The following ASGR1 variants were observed in gnomAD, a reference collection of about 807,000 sequenced individuals.
ASGR1 encodes asialoglycoprotein receptor 1.
ASGR1 carries 35 observed loss-of-function variants against 33.1 expected under a neutral mutation model. That is an observed-to-expected ratio of 1.06 (90% CI 0.81 to 1.40). ASGR1 has a LOEUF of 1.40. Ranked by LOEUF, ASGR1 falls within the 40% of genes most tolerant of loss-of-function variation. The pLI, the probability that ASGR1 is intolerant of heterozygous loss-of-function variation, is 0.00. For synonymous variants in ASGR1, 142 were observed against 152.5 expected (o/e 0.93, Z 0.51); for missense variants, 396 against 373.7 (o/e 1.06, Z -0.49).
intron 2 of ASGR1, 51 bp downstream of exon 2, chr17:7,178,443 G>T: frequency 6.4e-7 from 1 of 1,566,742 alleles, no homozygotes; most frequent in South Asian, 1.1e-5. Context: ...GCTGGGGGGT[G>T]GAGAACCGCC....
At chr17:7,179,006 G>A (rs2069248027) in intron 1 of ASGR1, 184 bp downstream of exon 1, 1 of 154,780 alleles carries the variant, frequency 6.5e-6, no homozygotes, top group Non-Finnish European at 1.4e-5. Flanking sequence ...CAACGTGCTG[G>A]GATTACAGGC....
At position 7,175,066 on chromosome 17, in the gene ASGR1, AAC is replaced by A. The variant is rs563211846; in HGVS notation, c.356-608_356-607del. On this transcript the variant is annotated intron_variant, in intron 5 of 8. Transcript: ENST00000269299. ...ATACACAACACACCCTCACACGCAC[AAC>A]ACACCGTAACCCACATACACAGACA... is the stretch of plus-strand genomic sequence containing the variant. Among the ~76,000 whole-genome samples, 600 of 147,070 alleles carry A rather than the reference AAC, an allele frequency of 4.1e-3. 2 individuals are homozygous for A. The highest frequency in any genetic ancestry group is 0.011 in the Middle Eastern group (3 of 270).
rs764780656 is a variant in ASGR1, at chr17:7,173,868, C to T, written c.702-35G>A. The T allele has an allele frequency of 1.2e-6, 2 of 1,606,934 alleles. No homozygotes were observed. Among genetic ancestry groups the T allele is most frequent in the Non-Finnish European group, 8.5e-7 (1 of 1,177,008 alleles). On this transcript the variant is annotated intron_variant, in intron 8 of 8. Transcript: ENST00000269299. The surrounding 1 kb of genome is among the most constrained non-coding windows in gnomAD (Gnocchi z 4.7). ...GAGCCAGCTGTGGGCCCCAGGAGGT[C>T]GGATCCGCAGGCGGGTCGCTCCAGA...
intron 5 of ASGR1, among the ~76,000 whole-genome samples, chr17:7,175,270 C>T (rs1046147183): frequency 7.4e-5 from 11 of 148,572 alleles, no homozygotes; most frequent in African/African-American, 2.0e-4. Context: ...CACACACACA[C>T]GGAACACACC....
chr17:7,175,367 TCACC>T (rs962050550), intron 5 of ASGR1, among the ~76,000 whole-genome samples: 9 of 120,578 alleles, frequency 7.5e-5, no homozygotes, highest in Admixed American at 2.5e-4. Context: ...CAACACACCC[TCACC>T]CAAACACACA....
intron 5 of ASGR1, among the ~76,000 whole-genome samples, chr17:7,175,813 ACAGACACACACT>A (rs763722356): frequency 3.2e-4 from 47 of 148,922 alleles, no homozygotes; most frequent in Non-Finnish European, 2.1e-4. Context: ...TCTCATTCTC[ACAGACACACACT>A]CAGACACACA....
At chr17:7,174,505 A>G (rs2069171682) in intron 5 of ASGR1, 45 bp from the exon 6 acceptor site, 1 of 1,579,670 alleles carries the variant, frequency 6.3e-7, no homozygotes, top group Non-Finnish European at 8.6e-7. Flanking sequence ...TGCGGAAACC[A>G]CGGGGAGGGA....
At chr17:7,175,238 ACACC>A (rs751260940) in intron 5 of ASGR1, among the ~76,000 whole-genome samples, 1 of 148,952 alleles carries the variant, frequency 6.7e-6, no homozygotes, top group Non-Finnish European at 1.5e-5. Flanking sequence ...CACACACAAA[ACACC>A]CACAACATAC....
intron 5 of ASGR1, among the ~76,000 whole-genome samples, chr17:7,174,970 C>T (rs1242483147): frequency 1.4e-5 from 2 of 148,140 alleles, no homozygotes; most frequent in African/African-American, 5.0e-5. Context: ...ACAACACACC[C>T]TTACACACAC....
Position 7,176,050 on chromosome 17 carries a change from ACAGACT to A in ASGR1, c.355+774_355+779del, listed in dbSNP as rs1262482686. On this transcript the variant is annotated intron_variant, in intron 5 of 8. Transcript: ENST00000269299. ...TACACACACCCACTCCCTCATTCAC[ACAGACT>A]CACACACCCATCCACTCCTTCTCAT... 6.8e-3 allele frequency among the ~76,000 whole-genome samples: 991 copies of A among 144,676 alleles called. 9 individuals are homozygous for A. The highest frequency in any genetic ancestry group is 0.024 in the African/African-American group (940 of 38,728). 94.9% of individuals were successfully genotyped at this position (144,676 alleles called of 152,430 possible). A position where few individuals can be genotyped will look rare whatever the true frequency, so the allele number is the denominator to read the frequency against.
intron 2 of ASGR1, chr17:7,178,112 T>C (rs2069238031): frequency 3.6e-6 from 1 of 280,248 alleles, no homozygotes; most frequent in South Asian, 5.3e-5. Context: ...AACTGATCAC[T>C]GACACACACA....
rs779694146 is a variant in ASGR1, at chr17:7,177,315, G to A, written c.82C>T (p.Pro28Ser). The change falls in exon 3 of 9, where the codon CCC becomes TCC. Residue 28 changes from proline (P) to serine (S), a missense_variant. By Grantham distance (74) the Pro-to-Ser change is moderately conservative. Coordinates refer to ENST00000269299, the MANE Select transcript of ASGR1 (RefSeq NM_001671.5). Reference sequence around the variant, plus strand: ...CAGAGACGCTGCAGGAGGGGCTGGGGAGGAGGTGGCCCTGCAAGAGGAGGG... The same window carrying A: ...CAGAGACGCTGCAGGAGGGGCTGGGAAGGAGGTGGCCCTGCAAGAGGAGGG... ...HHQLRKGPPP[P>S]QPLLQRLCSG... is the part of the protein sequence containing the mutation. 8.1e-5 allele frequency: 131 copies of A among 1,613,508 alleles called. No homozygotes were observed. The highest frequency in any genetic ancestry group is 1.1e-4 in the Non-Finnish European group (127 of 1,179,806).
intron 5 of ASGR1, among the ~76,000 whole-genome samples, chr17:7,175,431 A>G (rs1211521227): frequency 6.7e-6 from 1 of 149,570 alleles, no homozygotes; most frequent in African/African-American, 2.5e-5. Context: ...TCACCCACAT[A>G]CACACATTCA....
In ASGR1 at chr17:7,176,918, C is replaced by A; in HGVS notation, c.284-17G>T. ...CATTGCCTCCTGCGGGAGAGGCTCG[C>A]TCAGCGTTCCCGACAGCCCCCCAGC... On this transcript the variant is annotated splice_polypyrimidine_tract_variant and intron_variant, in intron 4 of 8. Transcript: ENST00000269299. 1 of 1,611,616 alleles carries A rather than the reference C, an allele frequency of 6.2e-7. No individual in the cohort carries two copies. The highest frequency in any genetic ancestry group is 8.5e-7 in the Non-Finnish European group (1 of 1,179,944).
chr17:7,177,275 A>C lies in ASGR1; in HGVS notation c.122T>G (p.Leu41Arg), dbSNP rs773385140. The C allele has an allele frequency of 6.2e-7, 1 of 1,613,520 alleles. No homozygotes were observed. Among genetic ancestry groups the C allele is most frequent in the Non-Finnish European group, 8.5e-7 (1 of 1,179,870 alleles). Residue 41 changes from leucine to arginine, a missense_variant, in exon 3 of 9, where the codon CTC (leucine) becomes CGC (arginine). Physicochemically the swap from Leu to Arg is moderately radical, Grantham distance 102. Coordinates refer to ENST00000269299, the MANE Select transcript of ASGR1 (RefSeq NM_001671.5). The part of the protein sequence containing the change: ...LLQRLCSGPR[L>R]LLLSLGLSLL... ...GCTGAGGCCCAGGGAGAGCAGGAGG[A>C]GGCGAGGTCCGGAGCAGAGACGCTG...
chr17:7,174,525 C>G, intron 5 of ASGR1, 65 bp from the exon 6 acceptor site: 1 of 1,523,442 alleles, frequency 6.6e-7, no homozygotes, highest in Non-Finnish European at 8.9e-7. Flanking sequence ...AAACGGGAAA[C>G]GAGGTCAGCC....
At chr17:7,175,852 A>T (rs1597422733) in intron 5 of ASGR1, among the ~76,000 whole-genome samples, 2 of 97,156 alleles carry the variant, frequency 2.1e-5, no homozygotes, top group Non-Finnish European at 4.3e-5. Context: ...TCTCATTCTC[A>T]CACACACTCC....
chr17:7,173,826 TC>T lies in ASGR1; in HGVS notation c.708del (p.Trp236Ter). On this transcript the variant is annotated frameshift_variant, in exon 9 of 9. Coordinates refer to ENST00000269299, the MANE Select transcript of ASGR1 (RefSeq NM_001671.5). LOFTEE classifies it low-confidence loss of function (END_TRUNC). This position sits in a 1 kb window ranked among gnomAD's most constrained non-coding sequence, Gnocchi z 4.7. ...TACCAGTCGTCCGGCTGCTCCGGCC[TC>T]CAGTTCCTGGGGACAGAGCCAGCTG... ...GTDYETGFKN[W>X]RPEQPDDWYG... 6.2e-7 allele frequency: 1 copy of T among 1,610,272 alleles called. No homozygotes were observed. The highest frequency in any genetic ancestry group is 8.5e-7 in the Non-Finnish European group (1 of 1,179,258).
chr17:7,175,515 T>C (rs2069187540), intron 5 of ASGR1, among the ~76,000 whole-genome samples: 1 of 145,658 alleles, frequency 6.9e-6, no homozygotes, highest in Admixed American at 6.8e-5. Flanking sequence ...ACAACACACA[T>C]ATACTCTTTC....
Sources: allele counts gnomAD v4.1 joint callset (sites outside exome capture counted in the v4.1 genomes callset), GRCh38; gene constraint gnomAD v4.1.1; non-coding constraint Gnocchi (gnomAD v3.1); transcripts MANE v1.5; gene names NCBI Gene and HGNC (gene_info 2026-07-23, HGNC 2026-07-21).